Variants in PRKCA observed in about 807,000 individuals in gnomAD.
PRKCA encodes protein kinase C alpha.
PRKCA carries 27 observed loss-of-function variants against 87.0 expected under a neutral mutation model. The observed-to-expected ratio is 0.31, with a 90% confidence interval of 0.23 to 0.43. The LOEUF is 0.43. Among genes scored for constraint, PRKCA ranks in the 20% least tolerant of loss-of-function variants. PRKCA has a pLI of 1.00. For missense variants in PRKCA, 518 were observed against 852.3 expected (o/e 0.61, Z 4.88); for synonymous variants, 329 against 311.1 (o/e 1.06, Z -0.61).
chr17:66,589,941 T>C (rs1168153581), intron 3 of PRKCA, among the ~76,000 whole-genome samples: 1 of 152,314 alleles, frequency 6.6e-6, no homozygotes, highest in African/African-American at 2.4e-5. Flanking sequence ...CAATGTGCAG[T>C]TCACAATAGG....
At chr17:66,429,914 G>A (rs1223255679) in intron 2 of PRKCA, among the ~76,000 whole-genome samples, 1 of 151,948 alleles carries the variant, frequency 6.6e-6, no homozygotes, top group Non-Finnish European at 1.5e-5. Context: ...AGCAGATTTG[G>A]GTTCATGGAT....
In PRKCA at chr17:66,754,311, A is replaced by T. The variant is rs541237433; in HGVS notation, c.1524+11551A>T. Among the ~76,000 whole-genome samples, 3 of 152,188 alleles carry T rather than the reference A, an allele frequency of 2.0e-5. No individual in the cohort carries two copies. In the East Asian group the frequency reaches 5.8e-4, roughly 30 times the overall value. On this transcript the variant is annotated intron_variant, in intron 13 of 16. Coordinates refer to ENST00000413366, the MANE Select transcript of PRKCA (RefSeq NM_002737.3). ...AGGAGGAATAAAGGCCCCAGAGGGCAGGGGCACCATCTCAGATGTCTTTGT... is the reference window on the plus strand; with the variant it reads ...AGGAGGAATAAAGGCCCCAGAGGGCTGGGGCACCATCTCAGATGTCTTTGT...
At chr17:66,688,036 T>A (rs551860629) in intron 6 of PRKCA, among the ~76,000 whole-genome samples, 14 of 152,292 alleles carry the variant, frequency 9.2e-5, no homozygotes, top group Non-Finnish European at 1.5e-4. Flanking sequence ...AAAGGAGCCA[T>A]AGGCAATATG....
intron 3 of PRKCA, among the ~76,000 whole-genome samples, chr17:66,549,513 C>T (rs975923045): frequency 6.6e-6 from 1 of 152,140 alleles, no homozygotes; most frequent in African/African-American, 2.4e-5. Flanking sequence ...GGCCACGGGA[C>T]GGGAATGACA....
intron 2 of PRKCA, among the ~76,000 whole-genome samples, chr17:66,329,459 T>A (rs921780238): frequency 2.0e-5 from 3 of 152,034 alleles, no homozygotes; most frequent in Non-Finnish European, 4.4e-5. Flanking sequence ...TGCTTACAAG[T>A]TAAGTTGAAT....
chr17:66,494,495 A>G (rs549811932), intron 2 of PRKCA, among the ~76,000 whole-genome samples: 19 of 152,256 alleles, frequency 1.2e-4, no homozygotes, highest in Admixed American at 3.3e-4. Context: ...TTGTAATGAC[A>G]TTAATTCTAC....
At chr17:66,383,117 A>G (rs944432213) in intron 2 of PRKCA, among the ~76,000 whole-genome samples, 4 of 128,312 alleles carry the variant, frequency 3.1e-5, no homozygotes, top group Admixed American at 1.5e-4. Flanking sequence ...CTCCTATACT[A>G]CATATATTCT....
chr17:66,595,820 C>G (rs1481714042), intron 3 of PRKCA, among the ~76,000 whole-genome samples: 2 of 152,300 alleles, frequency 1.3e-5, no homozygotes, highest in South Asian at 2.1e-4. Context: ...CATGTCTTTT[C>G]AAGGGATGCA....
intron 5 of PRKCA, among the ~76,000 whole-genome samples, chr17:66,675,387 G>A (rs1052200400): frequency 2.0e-5 from 3 of 152,140 alleles, no homozygotes; most frequent in African/African-American, 7.2e-5. Context: ...CAAATTGGGG[G>A]CAGGAGGCAC....
chr17:66,773,934 CAG>C, intron 13 of PRKCA, 51 bp from the exon 14 acceptor site: 2 of 1,609,800 alleles, frequency 1.2e-6, no homozygotes, highest in Admixed American at 1.7e-5. Context: ...CCTGTTCTGA[CAG>C]GGGCTATTGG....
intron 8 of PRKCA, among the ~76,000 whole-genome samples, chr17:66,694,541 A>C (rs891230944): frequency 6.6e-6 from 1 of 151,650 alleles, no homozygotes; most frequent in African/African-American, 2.4e-5. Context: ...GAATCAACAC[A>C]AGTATAATCA....
intron 3 of PRKCA, among the ~76,000 whole-genome samples, chr17:66,503,761 A>G (rs1184640490): frequency 6.6e-6 from 1 of 152,212 alleles, no homozygotes; most frequent in African/African-American, 2.4e-5. Context: ...TTGAAAATTC[A>G]GCATTTCAAA....
chr17:66,749,622 T>C (rs1370891714), intron 13 of PRKCA, among the ~76,000 whole-genome samples: 1 of 152,200 alleles, frequency 6.6e-6, no homozygotes, highest in Non-Finnish European at 1.5e-5. Flanking sequence ...GAATTTCATC[T>C]GGTGTTGGCT....
chr17:66,735,416 G>A, intron 9 of PRKCA, 73 bp from the exon 10 acceptor site: 1 of 1,522,136 alleles, frequency 6.6e-7, no homozygotes, highest in South Asian at 1.1e-5. Context: ...GCCGTCACCT[G>A]GCCTGGTTCC....
chr17:66,671,828 A>G (rs549353182), intron 5 of PRKCA, among the ~76,000 whole-genome samples: 1 of 152,348 alleles, frequency 6.6e-6, no homozygotes, highest in East Asian at 1.9e-4. Flanking sequence ...AAATTAGCAG[A>G]AAGTTGAAGA....
intron 3 of PRKCA, among the ~76,000 whole-genome samples, chr17:66,520,745 A>G (rs56126923): frequency 0.15 from 22,360 of 152,140 alleles, 1,881 homozygotes; most frequent in East Asian, 0.3. Flanking sequence ...TTTCTACTCT[A>G]TATTCTTCAT....
At chr17:66,427,867 C>T (rs1912897164) in intron 2 of PRKCA, among the ~76,000 whole-genome samples, 1 of 152,172 alleles carries the variant, frequency 6.6e-6, no homozygotes, top group African/African-American at 2.4e-5. Context: ...ACCTAGGATG[C>T]ATCTTGATGG....
intron 3 of PRKCA, among the ~76,000 whole-genome samples, chr17:66,572,357 C>T (rs1439930831): frequency 6.6e-6 from 1 of 152,032 alleles, no homozygotes; most frequent in Non-Finnish European, 1.5e-5. Context: ...ATCCCAGCTA[C>T]TCAGGAGGCT....
chr17:66,587,651 ATG>A (rs1361710524), intron 3 of PRKCA, among the ~76,000 whole-genome samples: 4 of 148,412 alleles, frequency 2.7e-5, no homozygotes, highest in East Asian at 2.0e-4. Flanking sequence ...TATAACATAT[ATG>A]TGTGTGTATA....
Sources: gnomAD v4.1 joint callset for allele counts (sites outside exome capture counted in the v4.1 genomes callset) on GRCh38, gnomAD v4.1.1 for gene constraint, MANE v1.5 for transcripts, NCBI Gene and HGNC (gene_info 2026-07-23, HGNC 2026-07-21) for gene names.